The following COL4A6 variants were observed in gnomAD, a reference collection of about 807,000 sequenced individuals.
The protein encoded by COL4A6 is collagen type IV alpha 6 chain.
Under a neutral mutation model 126.7 loss-of-function variants are expected in COL4A6, and 59 were observed. The ratio of observed to expected loss-of-function variants is 0.47; its 90% CI spans 0.38 to 0.58. The LOEUF is 0.58. Ranked by LOEUF, COL4A6 falls within the 20% of genes least tolerant of loss-of-function variation. The probability of loss-of-function intolerance (pLI) is 0.00; values close to 1 mark genes in which losing one functional copy is unlikely to be tolerated. For missense variants in COL4A6, 1,285 were observed against 1,337.3 expected (o/e 0.96, Z 0.61); for synonymous variants, 547 against 496.6 (o/e 1.10, Z -1.35).
At chrX:108,274,072 T>G (rs1357365652) in intron 3 of COL4A6, among the ~76,000 whole-genome samples, 1 of 111,982 alleles carries the variant, frequency 8.9e-6, no homozygotes, top group Non-Finnish European at 1.9e-5. Flanking sequence ...GGCCCTCTGC[T>G]TAGGAACTCT....
intron 3 of COL4A6, among the ~76,000 whole-genome samples, chrX:108,266,422 G>A (rs2037304732): frequency 9.0e-6 from 1 of 111,315 alleles, no homozygotes; most frequent in African/African-American, 3.3e-5. Flanking sequence ...CACTGCAGGT[G>A]TTCCTCAGTC....
chrX:108,179,744 C>A (rs2034625693), intron 25 of COL4A6, among the ~76,000 whole-genome samples: 1 of 107,619 alleles, frequency 9.3e-6, no homozygotes, highest in Admixed American at 1.0e-4. Context: ...GAGAAAAGTT[C>A]AACCTCTTCT....
intron 2 of COL4A6, among the ~76,000 whole-genome samples, chrX:108,399,511 T>C (rs757967644): frequency 5.1e-4 from 57 of 111,405 alleles, no homozygotes; most frequent in Non-Finnish European, 9.4e-4. Context: ...CAATAGGATA[T>C]GTTCCTATTT....
At chrX:108,398,007 C>T (rs896217893) in intron 2 of COL4A6, among the ~76,000 whole-genome samples, 13 of 112,460 alleles carry the variant, frequency 1.2e-4, no homozygotes, top group Non-Finnish European at 2.1e-4. Context: ...CCGTGTTAGA[C>T]GATGTGAGAG....
rs778745757 is a variant in COL4A6, at chrX:108,303,253, T to G, written c.144+7495A>C. The stretch of plus-strand genomic sequence containing the variant: ...GAGGCCATGGTGGAGAAACCAGGAA[T>G]GAGGGATGGAAAGCTAGAAATGGAG... On this transcript the variant is annotated intron_variant, in intron 3 of 44. Coordinates refer to ENST00000334504, the MANE Select transcript of COL4A6 (RefSeq NM_033641.4). 3.6e-5 allele frequency among the ~76,000 whole-genome samples: 4 copies of G among 109,747 alleles called. No homozygotes were observed. The East Asian group carries it at 1.2e-3, about 32-fold the overall frequency.
chrX:108,272,620 C>A (rs1004204963), intron 3 of COL4A6, among the ~76,000 whole-genome samples: 4 of 111,140 alleles, frequency 3.6e-5, no homozygotes, highest in African/African-American at 1.3e-4. Context: ...ACAACAACAA[C>A]AAAAGCGAGA....
intron 3 of COL4A6, among the ~76,000 whole-genome samples, chrX:108,283,771 G>T (rs1293013048): frequency 4.5e-5 from 5 of 111,224 alleles, no homozygotes; most frequent in Admixed American, 9.6e-5. Flanking sequence ...CATGACAAAG[G>T]CATACAAAGT....
intron 37 of COL4A6, among the ~76,000 whole-genome samples, 158 bp downstream of exon 37, chrX:108,169,337 C>T (rs2034225199): frequency 8.9e-6 from 1 of 112,020 alleles, no homozygotes; most frequent in Non-Finnish European, 1.9e-5. Flanking sequence ...AGCCTAACCT[C>T]TCTTTCTCAG....
intron 2 of COL4A6, among the ~76,000 whole-genome samples, chrX:108,320,591 G>C (rs772970678): frequency 9.0e-6 from 1 of 111,353 alleles, no homozygotes. Context: ...GAAATGCATC[G>C]GTTTTAGGAT....
chrX:108,438,980 TA>T (rs745615153), upstream of COL4A6, among the ~76,000 whole-genome samples: 1 of 112,457 alleles, frequency 8.9e-6, no homozygotes. Flanking sequence ...TTTGTTACTT[TA>T]AAAAAAATCT....
At chrX:108,326,409 T>A (rs1043538789) in intron 2 of COL4A6, among the ~76,000 whole-genome samples, 1 of 108,853 alleles carries the variant, frequency 9.2e-6, no homozygotes, top group African/African-American at 3.6e-5. Context: ...GAAAGATATC[T>A]TTATGATATC....
intron 27 of COL4A6, among the ~76,000 whole-genome samples, chrX:108,178,143 G>T (rs2034556329): frequency 8.9e-6 from 1 of 112,634 alleles, no homozygotes; most frequent in Non-Finnish European, 1.9e-5. Context: ...AGTCACCGAA[G>T]CAGGTTGAGG....
At chrX:108,289,558 G>A (rs751683573) in intron 3 of COL4A6, among the ~76,000 whole-genome samples, 1 of 109,026 alleles carries the variant, frequency 9.2e-6, no homozygotes, top group Non-Finnish European at 1.9e-5. Context: ...TTTTGTTTTC[G>A]TTTTAAAAAA....
chrX:108,165,263 G>A (rs2034092154), intron 38 of COL4A6, 107 bp downstream of exon 38: 9 of 783,660 alleles, frequency 1.1e-5, no homozygotes, highest in South Asian at 2.1e-5. Flanking sequence ...AGCCAAACAC[G>A]CCCACATATG....
Position 108,277,171 on chromosome X carries a change from C to T in COL4A6, c.144+33577G>A, listed in dbSNP as rs185477112. On this transcript the variant is annotated intron_variant, in intron 3 of 44. Coordinates refer to ENST00000334504, the MANE Select transcript of COL4A6 (RefSeq NM_033641.4). Reference sequence around the variant, plus strand: ...GGCGCAGGACAGTGGGTGCACAAGCCGAAGCAGGGCGAGGCATTGCCTCAC... The same window carrying T: ...GGCGCAGGACAGTGGGTGCACAAGCTGAAGCAGGGCGAGGCATTGCCTCAC... Among the ~76,000 whole-genome samples, 105 of 111,628 alleles carry T rather than the reference C, an allele frequency of 9.4e-4. No homozygotes were observed. In the East Asian group the frequency reaches 0.012, roughly 13 times the overall value.
intron 27 of COL4A6, among the ~76,000 whole-genome samples, chrX:108,177,501 A>C (rs764777726): frequency 9.0e-6 from 1 of 111,468 alleles, no homozygotes; most frequent in East Asian, 2.8e-4. Context: ...TCCCTCAAGC[A>C]ATCAGTTAAG....
intron 3 of COL4A6, among the ~76,000 whole-genome samples, chrX:108,233,941 TC>T (rs1253883594): frequency 8.9e-6 from 1 of 112,013 alleles, no homozygotes; most frequent in Admixed American, 9.5e-5. Context: ...TGATATATTT[TC>T]CCTTTCCATC....
At chrX:108,187,528 C>T (rs1047138096) in intron 22 of COL4A6, among the ~76,000 whole-genome samples, 10 of 111,470 alleles carry the variant, frequency 9.0e-5, no homozygotes, top group African/African-American at 3.3e-4. Flanking sequence ...AAGAAATGAG[C>T]AGGATAATAA....
chrX:108,410,712 T>C (rs2041309007), intron 2 of COL4A6, among the ~76,000 whole-genome samples: 1 of 111,448 alleles, frequency 9.0e-6, no homozygotes, highest in Non-Finnish European at 1.9e-5. Flanking sequence ...TAATATTTCT[T>C]TGACAACTGA....
Sources: gnomAD v4.1 joint callset for allele counts (sites outside exome capture counted in the v4.1 genomes callset) on GRCh38, gnomAD v4.1.1 for gene constraint, MANE v1.5 for transcripts, NCBI Gene and HGNC (gene_info 2026-07-23, HGNC 2026-07-21) for gene names.